Variants in TNFSF4 observed in about 807,000 individuals in gnomAD.
TNFSF4 encodes the protein tumor necrosis factor ligand superfamily member 4.
In TNFSF4, 4 loss-of-function variants were observed where a neutral mutation model predicts 7.3. That is an observed-to-expected ratio of 0.55 (90% CI 0.27 to 1.25). TNFSF4 has a LOEUF of 1.25. Ranked by LOEUF, TNFSF4 falls within the 50% of genes most tolerant of loss-of-function variation. The pLI, the probability that TNFSF4 is intolerant of heterozygous loss-of-function variation, is 0.12. For missense variants in TNFSF4, 181 were observed against 208.8 expected (o/e 0.87, Z 0.82); for synonymous variants, 76 against 83.7 (o/e 0.91, Z 0.50).
the TNFSF4 span, among the ~76,000 whole-genome samples, chr1:173,419,194 T>C: frequency 3.3e-5 from 5 of 151,886 alleles, no homozygotes; most frequent in Non-Finnish European, 5.9e-5. Flanking sequence ...ACAAAAAAAT[T>C]AGCCGGGTGT....
At chr1:173,361,312 C>T in the TNFSF4 span, among the ~76,000 whole-genome samples, 1 of 152,134 alleles carries the variant, frequency 6.6e-6, no homozygotes, top group African/African-American at 2.4e-5. Context: ...CCTTTCTGCC[C>T]TTTTGTCACA....
chr1:173,383,912 G>A, the TNFSF4 span, among the ~76,000 whole-genome samples: 1 of 152,148 alleles, frequency 6.6e-6, no homozygotes, highest in Admixed American at 6.5e-5. Flanking sequence ...ATTTAATGAG[G>A]TGATATTAAT....
chr1:173,240,654 C>T, the TNFSF4 span, among the ~76,000 whole-genome samples: 396 of 152,164 alleles, frequency 2.6e-3, no homozygotes, highest in Non-Finnish European at 5.0e-3. Flanking sequence ...GGCTGAATAC[C>T]CTCATAAACA....
At chr1:173,304,662 T>C in the TNFSF4 span, among the ~76,000 whole-genome samples, 1 of 151,976 alleles carries the variant, frequency 6.6e-6, no homozygotes, top group Non-Finnish European at 1.5e-5. Flanking sequence ...CTTAATTACA[T>C]GGCTGTTGGC....
downstream of TNFSF4, among the ~76,000 whole-genome samples, chr1:173,179,983 T>C (rs1649019641): frequency 6.6e-6 from 1 of 152,218 alleles, no homozygotes; most frequent in Non-Finnish European, 1.5e-5. Context: ...GACCTTAACT[T>C]AAATGTCATC....
the TNFSF4 span, among the ~76,000 whole-genome samples, chr1:173,407,960 G>A: frequency 6.6e-6 from 1 of 152,110 alleles, no homozygotes; most frequent in African/African-American, 2.4e-5. Flanking sequence ...TTATAGAAGA[G>A]GCTCAGAGAA....
At chr1:173,415,728 A>G in the TNFSF4 span, among the ~76,000 whole-genome samples, 1 of 152,224 alleles carries the variant, frequency 6.6e-6, no homozygotes, top group African/African-American at 2.4e-5. Flanking sequence ...CACAGGTGCA[A>G]GTAAGAATGT....
chr1:173,285,295 TAA>T, the TNFSF4 span, among the ~76,000 whole-genome samples: 6 of 152,272 alleles, frequency 3.9e-5, no homozygotes, highest in African/African-American at 1.4e-4. Context: ...TTTGAATGGA[TAA>T]AGAGTTGCTT....
At chr1:173,329,076 C>G in the TNFSF4 span, among the ~76,000 whole-genome samples, 1 of 152,150 alleles carries the variant, frequency 6.6e-6, no homozygotes, top group East Asian at 1.9e-4. Flanking sequence ...TATAGGGTAT[C>G]TACTAAATAA....
the TNFSF4 span, among the ~76,000 whole-genome samples, chr1:173,289,430 T>C: frequency 2.6e-5 from 4 of 152,080 alleles, no homozygotes; most frequent in African/African-American, 7.2e-5. Context: ...TTTAACTGCT[T>C]CTCAGAATTT....
chr1:173,321,921 C>T, the TNFSF4 span, among the ~76,000 whole-genome samples: 4 of 152,170 alleles, frequency 2.6e-5, no homozygotes, highest in Admixed American at 1.3e-4. Context: ...CCTCAAGGAT[C>T]TGGAACCAGT....
At chr1:173,271,033 A>C in the TNFSF4 span, among the ~76,000 whole-genome samples, 2 of 152,138 alleles carry the variant, frequency 1.3e-5, no homozygotes, top group Non-Finnish European at 2.9e-5. Flanking sequence ...TGATGATACC[A>C]ACTATTTAGT....
chr1:173,345,140 A>C, the TNFSF4 span, among the ~76,000 whole-genome samples: 13 of 152,348 alleles, frequency 8.5e-5, no homozygotes, highest in African/African-American at 2.9e-4. Flanking sequence ...CTTTGTAATA[A>C]AAGAACAGAG....
the TNFSF4 span, among the ~76,000 whole-genome samples, chr1:173,280,599 A>C: frequency 6.6e-6 from 1 of 152,154 alleles, no homozygotes; most frequent in Non-Finnish European, 1.5e-5. Context: ...TATTCCTTGG[A>C]TAAGGCTGAA....
At chr1:173,204,186 T>A (rs549396636) in intron 1 of TNFSF4, among the ~76,000 whole-genome samples, 1 of 152,286 alleles carries the variant, frequency 6.6e-6, no homozygotes, top group East Asian at 1.9e-4. Flanking sequence ...TAACTCACAT[T>A]TTGTATTTCT....
chr1:173,269,953 A>G, the TNFSF4 span, among the ~76,000 whole-genome samples: 469 of 152,248 alleles, frequency 3.1e-3, no homozygotes, highest in Non-Finnish European at 2.9e-3. Flanking sequence ...GGCTATTGCA[A>G]TAAGGATAAT....
chr1:173,274,791 A>G, the TNFSF4 span, among the ~76,000 whole-genome samples: 1 of 152,054 alleles, frequency 6.6e-6, no homozygotes, highest in Non-Finnish European at 1.5e-5. Context: ...CCAGCACCAA[A>G]TGTTAAATAT....
At chr1:173,286,630 CAATA>C in the TNFSF4 span, among the ~76,000 whole-genome samples, 1 of 151,948 alleles carries the variant, frequency 6.6e-6, no homozygotes, top group Non-Finnish European at 1.5e-5. Context: ...AAAGTTAAAA[CAATA>C]AATATTCTAA....
chr1:173,208,849 C>CA (rs572693565), upstream of TNFSF4, among the ~76,000 whole-genome samples: 721 of 85,058 alleles, frequency 8.5e-3, 3 homozygotes, highest in South Asian at 0.043. Flanking sequence ...AGAGTCACAG[C>CA]AAAAAAAAAA....
Sources: gnomAD v4.1 joint callset for allele counts (sites outside exome capture counted in the v4.1 genomes callset) on GRCh38, gnomAD v4.1.1 for gene constraint, MANE v1.5 for transcripts, NCBI Gene and HGNC (gene_info 2026-07-23, HGNC 2026-07-21) for gene names.